The following TCN2 variants were observed in gnomAD, a reference collection of about 807,000 sequenced individuals.
TCN2 encodes the protein transcobalamin 2.
Under a neutral mutation model 48.6 loss-of-function variants are expected in TCN2, and 34 were observed. The ratio of observed to expected loss-of-function variants is 0.70; its 90% CI spans 0.53 to 0.93. TCN2 has a LOEUF of 0.93. Ranked by LOEUF, TCN2 falls within the 40% of genes least tolerant of loss-of-function variation. The pLI is 0.00. For synonymous variants in TCN2, 283 were observed against 212.5 expected (o/e 1.33, Z -2.89); for missense variants, 652 against 526.1 (o/e 1.24, Z -2.34).
chr22:30,613,662 T>TA (rs1312350001), intron 3 of TCN2, among the ~76,000 whole-genome samples: 1 of 152,152 alleles, frequency 6.6e-6, no homozygotes, highest in South Asian at 2.1e-4. Context: ...GCTTATGACT[T>TA]ACGCCATAGT....
chr22:30,624,061 C>CAT lies in TCN2; in HGVS notation c.1222+997_1222+998dup, dbSNP rs754547042. The stretch of plus-strand genomic sequence containing the variant: ...ACATATATACACACACACACACACA[C>CAT]ATATATATATATATATATATTTTTT... On this transcript the variant is annotated intron_variant, in intron 8 of 8. Transcript: ENST00000215838. 7.2e-3 allele frequency among the ~76,000 whole-genome samples: 101 copies of CAT among 13,996 alleles called. 21 individuals carry two copies. Among genetic ancestry groups the CAT allele is most frequent in the South Asian group, 0.045 (54 of 1,210 alleles). 9.2% of individuals were successfully genotyped at this position (13,996 alleles called of 152,430 possible).
In TCN2 at chr22:30,615,606, C is replaced by G. The variant is rs1168382538; in HGVS notation, c.759C>G (p.Leu253=). 2 of 1,614,042 alleles carry G rather than the reference C, an allele frequency of 1.2e-6. No individual in the cohort carries two copies. Among genetic ancestry groups the G allele is most frequent in the Non-Finnish European group, 1.7e-6 (2 of 1,180,014 alleles). ...CTTCCTCACTCTATCACCAGTTCCT[C>G]ATGACTTCCCCCATGCGTGGGGCAG... ...VYSTPLALQF[L]MTSPMRGAEL... is the part of the protein sequence containing the mutation. Residue 253 remains leucine (L), a synonymous_variant, in exon 6 of 9, where the codon CTC becomes CTG. Transcript: ENST00000215838.
chr22:30,621,932 G>T (rs921587649), intron 7 of TCN2, among the ~76,000 whole-genome samples: 1 of 152,248 alleles, frequency 6.6e-6, no homozygotes, highest in Non-Finnish European at 1.5e-5. Flanking sequence ...TCCAGGGGAA[G>T]CCCTGATCAT....
intron 3 of TCN2, 110 bp from the exon 4 acceptor site, chr22:30,614,239 C>T: frequency 7.0e-7 from 1 of 1,420,244 alleles, no homozygotes; most frequent in Non-Finnish European, 9.7e-7. Context: ...TGAAGGATCC[C>T]ATGACCCAAA....
intron 7 of TCN2, among the ~76,000 whole-genome samples, chr22:30,620,658 A>G (rs9606757): frequency 0.031 from 4,650 of 152,366 alleles, 87 homozygotes; most frequent in African/African-American, 0.053. Context: ...TCATGTTTGA[A>G]TATTGTCATC....
chr22:30,610,351 T>C, intron 1 of TCN2: 1 of 464,292 alleles, frequency 2.2e-6, no homozygotes, highest in South Asian at 1.6e-5. Flanking sequence ...ACGTTCTGCA[T>C]GTGGGCTGAT....
At chr22:30,621,927 G>A (rs1382835377) in intron 7 of TCN2, among the ~76,000 whole-genome samples, 1 of 152,186 alleles carries the variant, frequency 6.6e-6, no homozygotes, top group Non-Finnish European at 1.5e-5. Flanking sequence ...CTTCTTCCAG[G>A]GGAAGCCCTG....
rs371410354 is a variant in TCN2, at chr22:30,607,944, CGAAG to C, written c.64+554_64+557del. Among the ~76,000 whole-genome samples, 764 of 152,198 alleles carry C rather than the reference CGAAG, an allele frequency of 5.0e-3. 6 individuals carry two copies. Among genetic ancestry groups the C allele is most frequent in the South Asian group, 0.027 (129 of 4,816 alleles). On this transcript the variant is annotated intron_variant, in intron 1 of 8. Coordinates refer to ENST00000215838, the MANE Select transcript of TCN2 (RefSeq NM_000355.4). ...AAGAGGACACATGGGAGCTGAAACT[CGAAG>C]GAAGAAAAGGAGCTGGCAGGAAAGG... is the stretch of plus-strand genomic sequence containing the variant.
intron 8 of TCN2, among the ~76,000 whole-genome samples, chr22:30,625,653 G>C (rs1444172187): frequency 6.6e-6 from 1 of 152,112 alleles, no homozygotes; most frequent in East Asian, 1.9e-4. Context: ...TAGTAGAAAT[G>C]TGGTTTCACC....
intron 8 of TCN2, among the ~76,000 whole-genome samples, chr22:30,623,705 T>TACAGACACAC: frequency 7.2e-6 from 1 of 139,004 alleles, no homozygotes; most frequent in Non-Finnish European, 1.5e-5. Context: ...ATGAAATATA[T>TACAGACACAC]ATATATACAG....
chr22:30,626,366 G>A, intron 8 of TCN2, 94 bp from the exon 9 acceptor site: 2 of 1,360,678 alleles, frequency 1.5e-6, no homozygotes, highest in Non-Finnish European at 2.1e-6. Context: ...GATTCTTACA[G>A]ACTCTAGCCT....
intron 7 of TCN2, among the ~76,000 whole-genome samples, chr22:30,621,249 T>G (rs557899319): frequency 3.0e-4 from 46 of 152,130 alleles, no homozygotes; most frequent in South Asian, 8.3e-4. Context: ...CACCTCCGCC[T>G]CCTCAAGTGC....
intron 3 of TCN2, 143 bp from the exon 4 acceptor site, chr22:30,614,206 T>G: frequency 8.9e-7 from 1 of 1,118,558 alleles, no homozygotes; most frequent in Non-Finnish European, 1.3e-6. Flanking sequence ...CCTCAGCACG[T>G]ATGGGCTGAG....
Position 30,627,051 on chromosome 22 carries a change from G to A in TCN2, c.*530G>A. 5.3e-6 allele frequency: 1 copy of A among 187,826 alleles called. No homozygotes were observed. The highest frequency in any genetic ancestry group is 1.1e-4 in the South Asian group (1 of 8,848). 11.6% of individuals were successfully genotyped at this position (187,826 alleles called of 1,614,324 possible). ...GACAAAATTAAAGCATTGATGGCCT[G>A]TGGACCTGCTACAGTGGCCTGGTGC... On this transcript the variant is annotated 3_prime_UTR_variant, in exon 9 of 9. Transcript: ENST00000215838.
At chr22:30,625,612 G>A (rs1015385676) in intron 8 of TCN2, among the ~76,000 whole-genome samples, 5 of 152,052 alleles carry the variant, frequency 3.3e-5, no homozygotes, top group Non-Finnish European at 7.4e-5. Context: ...ATAGGCCCAT[G>A]GCACAAAGCC....
chr22:30,610,826 G>T (rs748602405), intron 1 of TCN2, 45 bp from the exon 2 acceptor site: 1 of 1,607,590 alleles, frequency 6.2e-7, no homozygotes, highest in Non-Finnish European at 8.5e-7. Context: ...TTCTTTGCTG[G>T]TGGCCTGGCC....
chr22:30,615,112 A>G (rs931451178), intron 4 of TCN2, among the ~76,000 whole-genome samples, 189 bp from the exon 5 acceptor site: 3 of 152,098 alleles, frequency 2.0e-5, no homozygotes, highest in African/African-American at 7.2e-5. Flanking sequence ...GGATTTTCAG[A>G]GTCCAGACAA....
chr22:30,617,655 T>G (rs1318725551), intron 7 of TCN2, 160 bp downstream of exon 7: 1 of 991,256 alleles, frequency 1.0e-6, no homozygotes, highest in Non-Finnish European at 1.5e-6. Context: ...CACGGTGTTA[T>G]GGAAACAGGG....
In TCN2 at chr22:30,616,811, A is replaced by G. The variant is rs61529572; in HGVS notation, c.941-519A>G. On this transcript the variant is annotated intron_variant, in intron 6 of 8. Transcript: ENST00000215838. Reference sequence around the variant, plus strand: ...GTGAGACTCTGTCTCCAGAAAAAACAAGAATGGATAGAGTGGAGCCAAGAA... The same window carrying G: ...GTGAGACTCTGTCTCCAGAAAAAACGAGAATGGATAGAGTGGAGCCAAGAA... Among the ~76,000 whole-genome samples, 600 of 152,300 alleles carry G rather than the reference A, an allele frequency of 3.9e-3. 6 individuals are homozygous for G. Among genetic ancestry groups the G allele is most frequent in the African/African-American group, 0.014 (568 of 41,564 alleles).
Sources: allele counts gnomAD v4.1 joint callset (sites outside exome capture counted in the v4.1 genomes callset), GRCh38; gene constraint gnomAD v4.1.1; transcripts MANE v1.5; gene names NCBI Gene and HGNC (gene_info 2026-07-23, HGNC 2026-07-21).